ASIC2: variants seen among roughly 807,000 people sequenced by gnomAD.
ASIC2 encodes the protein acid sensing ion channel subunit 2, also known as acid-sensing ion channel 2.
A neutral mutation model predicts 57.3 loss-of-function variants in ASIC2; 25 were observed. The ratio of observed to expected loss-of-function variants is 0.44; its 90% CI spans 0.32 to 0.61. The LOEUF (loss-of-function observed/expected upper bound fraction) is 0.61, where lower values mean the gene tolerates loss of function less well. Ranked by LOEUF, ASIC2 falls within the 20% of genes least tolerant of loss-of-function variation. The pLI, the probability that ASIC2 is intolerant of heterozygous loss-of-function variation, is 0.06. For missense variants in ASIC2, 641 were observed against 738.1 expected (o/e 0.87, Z 1.52); for synonymous variants, 319 against 307.5 (o/e 1.04, Z -0.39).
chr17:33,307,751 T>G (rs1395473597), intron 1 of ASIC2, among the ~76,000 whole-genome samples: 1 of 152,260 alleles, frequency 6.6e-6, no homozygotes, highest in Admixed American at 6.5e-5. Flanking sequence ...TGAAACTCTC[T>G]GAGTCTTAAT....
chr17:33,322,174 G>T (rs1906897252), intron 1 of ASIC2, among the ~76,000 whole-genome samples: 1 of 152,198 alleles, frequency 6.6e-6, no homozygotes, highest in African/African-American at 2.4e-5. Context: ...CACTATCCTA[G>T]CTCTTGAACT....
chr17:33,304,130 C>T (rs539749323), intron 1 of ASIC2, among the ~76,000 whole-genome samples: 4 of 152,168 alleles, frequency 2.6e-5, no homozygotes, highest in South Asian at 2.1e-4. Flanking sequence ...GGTGATACCA[C>T]GTCATCTGGA....
intron 1 of ASIC2, among the ~76,000 whole-genome samples, chr17:34,151,347 C>A (rs1036984448): frequency 6.6e-6 from 1 of 152,088 alleles, no homozygotes; most frequent in Non-Finnish European, 1.5e-5. Flanking sequence ...GCTGGGAGTT[C>A]TACAATGGCA....
chr17:33,628,315 A>G (rs1906052347), intron 1 of ASIC2, among the ~76,000 whole-genome samples: 1 of 150,976 alleles, frequency 6.6e-6, no homozygotes, highest in Non-Finnish European at 1.5e-5. Flanking sequence ...TTGTTGAGAC[A>G]GGTTCTCACT....
intron 1 of ASIC2, among the ~76,000 whole-genome samples, chr17:33,800,828 G>T (rs1168367879): frequency 6.6e-6 from 1 of 152,136 alleles, no homozygotes; most frequent in Non-Finnish European, 1.5e-5. Context: ...AACTTTTCAA[G>T]GTGGGTATTA....
intron 1 of ASIC2, among the ~76,000 whole-genome samples, chr17:33,896,731 C>G (rs1473993689): frequency 3.9e-5 from 6 of 152,218 alleles, no homozygotes; most frequent in Non-Finnish European, 7.3e-5. Context: ...CCTCTCAGAA[C>G]CTGTGTGTAG....
chr17:33,111,441 G>A (rs2092257692), intron 2 of ASIC2, among the ~76,000 whole-genome samples: 1 of 152,136 alleles, frequency 6.6e-6, no homozygotes, highest in Non-Finnish European at 1.5e-5. Context: ...GCACAGGCAA[G>A]GTGCCAGGTC....
chr17:33,308,714 GAC>G (rs907543754), intron 1 of ASIC2, among the ~76,000 whole-genome samples: 1 of 152,182 alleles, frequency 6.6e-6, no homozygotes, highest in African/African-American at 2.4e-5. Context: ...TAACCTAGAT[GAC>G]ACACACAAAA....
intron 1 of ASIC2, chr17:34,004,610 G>C (rs1906463279): frequency 6.6e-6 from 1 of 152,212 alleles, no homozygotes; most frequent in Non-Finnish European, 1.5e-5. Context: ...CCTTACGTGA[G>C]ACACTTAATC....
intron 1 of ASIC2, among the ~76,000 whole-genome samples, chr17:33,453,440 G>A (rs951756840): frequency 6.6e-6 from 1 of 152,146 alleles, no homozygotes; most frequent in Non-Finnish European, 1.5e-5. Context: ...GATGGGGGAA[G>A]CTTTTTGAAA....
intron 1 of ASIC2, among the ~76,000 whole-genome samples, chr17:33,478,388 T>A (rs887291981): frequency 1.3e-5 from 2 of 152,256 alleles, no homozygotes; most frequent in African/African-American, 4.8e-5. Flanking sequence ...ACTACCGTTC[T>A]TGGTCTCCGT....
intron 1 of ASIC2, among the ~76,000 whole-genome samples, chr17:33,561,989 T>C (rs995483414): frequency 4.6e-5 from 7 of 152,336 alleles, no homozygotes; most frequent in Admixed American, 3.3e-4. Context: ...CCCTCCTCAC[T>C]TCCCAGACTT....
chr17:33,318,723 G>T (rs908243365), intron 1 of ASIC2, among the ~76,000 whole-genome samples: 1 of 152,198 alleles, frequency 6.6e-6, no homozygotes, highest in African/African-American at 2.4e-5. Context: ...GGAGGGTCGT[G>T]TGTGTAAGGC....
chr17:33,694,312 C>T (rs573788086), intron 1 of ASIC2, among the ~76,000 whole-genome samples: 1 of 152,350 alleles, frequency 6.6e-6, no homozygotes, highest in South Asian at 2.1e-4. Flanking sequence ...CCACCGTCAA[C>T]AGAATAAAGC....
intron 1 of ASIC2, among the ~76,000 whole-genome samples, chr17:33,333,864 A>G (rs1158700478): frequency 6.6e-6 from 1 of 152,194 alleles, no homozygotes; most frequent in Non-Finnish European, 1.5e-5. Context: ...ACACTGATAC[A>G]TCATTTCTGA....
At chr17:33,106,561 C>T (rs1263436510) in intron 2 of ASIC2, among the ~76,000 whole-genome samples, 2 of 152,200 alleles carry the variant, frequency 1.3e-5, no homozygotes, top group African/African-American at 4.8e-5. Context: ...CTCACCCCCA[C>T]TCACTCAGTG....
At chr17:33,819,673 G>A (rs1014417886) in intron 1 of ASIC2, among the ~76,000 whole-genome samples, 4 of 152,256 alleles carry the variant, frequency 2.6e-5, no homozygotes, top group Admixed American at 6.5e-5. Flanking sequence ...GAGGATCTCC[G>A]GCAGAGTTGC....
chr17:33,413,143 G>A (rs1227730038), intron 1 of ASIC2, among the ~76,000 whole-genome samples: 1 of 152,136 alleles, frequency 6.6e-6, no homozygotes, highest in African/African-American at 2.4e-5. Context: ...GTGTTTCCAA[G>A]GTTCTTGGGG....
chr17:33,949,562 G>A (rs1214574508), intron 1 of ASIC2, among the ~76,000 whole-genome samples: 1 of 152,100 alleles, frequency 6.6e-6, no homozygotes, highest in African/African-American at 2.4e-5. Flanking sequence ...TTTATTCCAA[G>A]GAATCAAAAG....
Sources: gnomAD v4.1 joint callset for allele counts (sites outside exome capture counted in the v4.1 genomes callset) on GRCh38, gnomAD v4.1.1 for gene constraint, MANE v1.5 for transcripts, NCBI Gene and HGNC (gene_info 2026-07-23, HGNC 2026-07-21) for gene names.